Variants in LARGE1 observed in about 807,000 individuals in gnomAD.
LARGE1 encodes LARGE xylosyl- and glucuronyltransferase 1, also known as xylosyl- and glucuronyltransferase LARGE1.
In LARGE1, 43 loss-of-function variants were observed where a neutral mutation model predicts 87.6. That is an observed-to-expected ratio of 0.49 (90% confidence interval 0.38 to 0.63). LARGE1 has a LOEUF of 0.63. Among genes scored for constraint, LARGE1 ranks in the 30% least tolerant of loss-of-function variants. The pLI, the probability that LARGE1 is intolerant of heterozygous loss-of-function variation, is 0.00. For synonymous variants in LARGE1, 434 were observed against 394.6 expected (o/e 1.10, Z -1.18); for missense variants, 802 against 1,000.2 (o/e 0.80, Z 2.67).
At chr22:33,503,260 T>G (rs8136778) in intron 6 of LARGE1, among the ~76,000 whole-genome samples, 1,461 of 133,780 alleles carry the variant, frequency 0.011, 9 homozygotes, top group African/African-American at 0.038. Context: ...TTTTTTTTTG[T>G]TTTTTTTTTT....
At chr22:33,487,283 T>G (rs2069629831) in intron 6 of LARGE1, among the ~76,000 whole-genome samples, 1 of 152,202 alleles carries the variant, frequency 6.6e-6, no homozygotes, top group African/African-American at 2.4e-5. Flanking sequence ...GTGAGACAGA[T>G]GCAATTCACT....
At chr22:33,111,905 G>C in the LARGE1 span, among the ~76,000 whole-genome samples, 1 of 152,216 alleles carries the variant, frequency 6.6e-6, no homozygotes, top group Non-Finnish European at 1.5e-5. Context: ...AAGCAAGGAA[G>C]AGTGTTACAA....
chr22:33,494,780 G>A (rs140168858), intron 6 of LARGE1, among the ~76,000 whole-genome samples: 3,698 of 152,264 alleles, frequency 0.024, 61 homozygotes, highest in Non-Finnish European at 0.037. Context: ...TCTGAGTCTC[G>A]TTTTCTCCTT....
intron 2 of LARGE1, among the ~76,000 whole-genome samples, chr22:33,681,083 T>TTTA (rs2081755163): frequency 6.6e-6 from 1 of 152,222 alleles, no homozygotes; most frequent in Non-Finnish European, 1.5e-5. Context: ...TAATGTACTA[T>TTTA]ACCTGCCAGT....
chr22:33,607,605 C>T (rs901711924), intron 4 of LARGE1, among the ~76,000 whole-genome samples: 12 of 151,972 alleles, frequency 7.9e-5, no homozygotes, highest in South Asian at 2.1e-4. Flanking sequence ...CCTGGGTCAG[C>T]GGCAATGGCT....
At position 33,495,627 on chromosome 22, in the gene LARGE1, G is replaced by A. The variant is rs553430948; in HGVS notation, c.788-63362C>T. ...CCAGCTACTCGGGAGGCTGAGGCAG[G>A]AGAATTGCTTGAACCTGGGAGGCGG... On this transcript the variant is annotated intron_variant, in intron 6 of 14. Transcript: ENST00000397394. 2.0e-5 allele frequency among the ~76,000 whole-genome samples: 3 copies of A among 152,300 alleles called. No individual in the cohort carries two copies. In the South Asian group the frequency reaches 6.2e-4, roughly 32 times the overall value.
intron 6 of LARGE1, among the ~76,000 whole-genome samples, chr22:33,485,052 C>T (rs1245934911): frequency 6.6e-6 from 1 of 150,936 alleles, no homozygotes; most frequent in African/African-American, 2.4e-5. Context: ...GCTGGGATTA[C>T]AGGTTCCCAC....
chr22:33,505,275 C>A lies in LARGE1; in HGVS notation c.787+59573G>T, dbSNP rs1223413029. ...GCTAGAGCAGACATCCATCCTGTAG[C>A]CTCTGCAGAGGCTGGGTGAAGCTGA... On this transcript the variant is annotated intron_variant, in intron 6 of 14. Coordinates refer to ENST00000397394, the MANE Select transcript of LARGE1 (RefSeq NM_133642.5). Among the ~76,000 whole-genome samples the A allele has an allele frequency of 2.0e-5, 3 of 152,208 alleles. No homozygotes were observed. In the East Asian group the frequency reaches 5.8e-4, roughly 29 times the overall value.
intron 6 of LARGE1, among the ~76,000 whole-genome samples, chr22:33,490,009 C>T (rs2069760228): frequency 6.6e-6 from 1 of 152,178 alleles, no homozygotes; most frequent in South Asian, 2.1e-4. Context: ...GGTTTCCCCG[C>T]CTTGTATCCC....
intron 6 of LARGE1, among the ~76,000 whole-genome samples, chr22:33,560,844 T>G (rs2077834461): frequency 2.6e-5 from 4 of 151,708 alleles, no homozygotes; most frequent in Admixed American, 2.6e-4. Flanking sequence ...AGACAGAGTC[T>G]TGCTCTGTCA....
At chr22:33,719,721 C>T (rs2083034721) in intron 2 of LARGE1, among the ~76,000 whole-genome samples, 1 of 151,970 alleles carries the variant, frequency 6.6e-6, no homozygotes, top group Non-Finnish European at 1.5e-5. Context: ...GGGGTTTCAC[C>T]ATATTAGCCA....
chr22:33,909,522 GTT>G (rs113177754), intron 1 of LARGE1, among the ~76,000 whole-genome samples: 8 of 143,230 alleles, frequency 5.6e-5, no homozygotes, highest in East Asian at 2.1e-4. Context: ...TTCTTCTTTT[GTT>G]TTTTTTTTTT....
rs61200784 is a variant in LARGE1 at position 33,479,677 on chromosome 22, A to ATT, written c.788-47414_788-47413dup. Among the ~76,000 whole-genome samples the ATT allele has an allele frequency of 6.3e-3, 959 of 152,176 alleles. 4 individuals are homozygous for ATT. The highest frequency in any genetic ancestry group is 0.021 in the African/African-American group (884 of 41,518). On this transcript the variant is annotated intron_variant, in intron 6 of 14. Coordinates refer to ENST00000397394, the MANE Select transcript of LARGE1 (RefSeq NM_133642.5). ...CTTCCTGATCTGTTTGTTCCCCACA[A>ATT]TTACTAGAATATTTTAATATTTATG...
intron 11 of LARGE1, among the ~76,000 whole-genome samples, chr22:33,312,521 C>A (rs1471656418): frequency 6.6e-6 from 1 of 151,982 alleles, no homozygotes; most frequent in East Asian, 1.9e-4. Context: ...GTGCCTGACT[C>A]CAGGGACCAA....
intron 4 of LARGE1, among the ~76,000 whole-genome samples, chr22:33,607,972 G>A (rs138975916): frequency 6.6e-6 from 1 of 152,202 alleles, no homozygotes; most frequent in East Asian, 1.9e-4. Flanking sequence ...GCTGCCACTG[G>A]GCCTTGGTGA....
intron 6 of LARGE1, among the ~76,000 whole-genome samples, chr22:33,545,503 A>G (rs5754603): frequency 0.67 from 100,874 of 151,260 alleles, 33,951 homozygotes; most frequent in African/African-American, 0.74. Flanking sequence ...GTGCAGTGGC[A>G]CGATCTCAGC....
the LARGE1 span, among the ~76,000 whole-genome samples, chr22:33,073,201 T>C: frequency 2.0e-5 from 3 of 152,230 alleles, no homozygotes; most frequent in Non-Finnish European, 4.4e-5. Flanking sequence ...TTAAACTTCA[T>C]TCCTAAAGTT....
intron 2 of LARGE1, among the ~76,000 whole-genome samples, chr22:33,678,789 G>T (rs2081656493): frequency 6.6e-6 from 1 of 152,204 alleles, no homozygotes; most frequent in East Asian, 1.9e-4. Context: ...CCATGAGGAA[G>T]AGGCGCATCT....
exon 12 of LARGE1, chr22:33,163,568 T>G (rs187068835): frequency 6.6e-6 from 1 of 152,364 alleles, no homozygotes; most frequent in East Asian, 1.9e-4. Flanking sequence ...TGGCATGGGC[T>G]TAGTAACTAC....
Sources: gnomAD v4.1 joint callset for allele counts (sites outside exome capture counted in the v4.1 genomes callset) on GRCh38, gnomAD v4.1.1 for gene constraint, MANE v1.5 for transcripts, NCBI Gene and HGNC (gene_info 2026-07-23, HGNC 2026-07-21) for gene names.